The following MAPK10 variants were observed in gnomAD, a reference collection of about 807,000 sequenced individuals.
The protein encoded by MAPK10 is JNK3 alpha protein kinase.
A neutral mutation model predicts 59.3 loss-of-function variants in MAPK10; 25 were observed. The ratio of observed to expected loss-of-function variants is 0.42; its 90% CI spans 0.31 to 0.59. The LOEUF (loss-of-function observed/expected upper bound fraction) is 0.59, where lower values mean the gene tolerates loss of function less well. Ranked by LOEUF, MAPK10 falls within the 20% of genes least tolerant of loss-of-function variation. The pLI is 0.15. For synonymous variants in MAPK10, 190 were observed against 200.5 expected, an observed-to-expected ratio of 0.95 and a Z score of 0.44; for missense variants, 351 against 568.9, an observed-to-expected ratio of 0.62 and a Z score of 3.90.
chr4:86,232,330 C>T (rs969602187), intron 2 of MAPK10, among the ~76,000 whole-genome samples: 1 of 152,064 alleles, frequency 6.6e-6, no homozygotes, highest in Non-Finnish European at 1.5e-5. Context: ...ACAGTTGTTC[C>T]CCTGGGACAT....
intron 1 of MAPK10, among the ~76,000 whole-genome samples, chr4:86,538,557 TATAAATTTTAGA>T (rs1437408758): frequency 2.6e-5 from 4 of 152,240 alleles, no homozygotes; most frequent in African/African-American, 9.6e-5. Context: ...TCCTCTTCCA[TATAAATTTTAGA>T]GTAAACCTGT....
upstream of MAPK10, chr4:86,458,058 G>A (rs1751392222): frequency 6.6e-6 from 1 of 152,260 alleles, no homozygotes. Context: ...AGCACTTTGG[G>A]AGGCCAAGGC....
Position 86,103,088 on chromosome 4 carries a change from T to G in MAPK10, c.425+98A>C, listed in dbSNP as rs534792965. On this transcript the variant is annotated intron_variant, in intron 6 of 13. Coordinates refer to ENST00000641462, the MANE Select transcript of MAPK10 (RefSeq NM_138982.4). The stretch of plus-strand genomic sequence containing the variant: ...GGGATTTCAACTCTGTGTGTGTGTG[T>G]GTGTGTGTGTGTGTGTGTGTGTGTG... 210 of 730,720 alleles carry G rather than the reference T, an allele frequency of 2.9e-4. No homozygotes were observed. The South Asian group carries it at 3.1e-3, about 11-fold the overall frequency. The allele number at this position is 730,720 out of a possible 1,614,324, so 45.3% of individuals were successfully genotyped here. A position where few individuals can be genotyped will look rare whatever the true frequency, so the allele number is the denominator to read the frequency against.
intron 2 of MAPK10, among the ~76,000 whole-genome samples, chr4:86,237,623 T>C (rs932981540): frequency 2.6e-5 from 4 of 152,212 alleles, no homozygotes; most frequent in Admixed American, 6.5e-5. Context: ...TAAGCTTTTT[T>C]TCATATGTTT....
intron 2 of MAPK10, among the ~76,000 whole-genome samples, chr4:86,289,467 A>G (rs2095147675): frequency 1.3e-5 from 2 of 152,000 alleles, no homozygotes; most frequent in Non-Finnish European, 2.9e-5. Flanking sequence ...ATTAGGAGAC[A>G]GTTTCTATAT....
chr4:86,420,819 C>T (rs563371516), intron 1 of MAPK10, among the ~76,000 whole-genome samples: 10 of 151,760 alleles, frequency 6.6e-5, no homozygotes, highest in African/African-American at 1.2e-4. Flanking sequence ...CAGTGGCTCA[C>T]GCCTGTAATC....
At chr4:86,359,516 G>A (rs954695859) in intron 1 of MAPK10, 142 bp downstream of exon 1, 8 of 202,130 alleles carry the variant, frequency 4.0e-5, no homozygotes, top group Non-Finnish European at 6.2e-5. Flanking sequence ...TTCAAAGCTA[G>A]TTCACTTGAT....
chr4:86,030,959 T>C (rs939183012), intron 12 of MAPK10, among the ~76,000 whole-genome samples: 1 of 152,204 alleles, frequency 6.6e-6, no homozygotes, highest in African/African-American at 2.4e-5. Context: ...ATTGACTATC[T>C]TTTATTTTCT....
At chr4:86,043,418 A>G (rs2041953533) in intron 11 of MAPK10, among the ~76,000 whole-genome samples, 1 of 152,176 alleles carries the variant, frequency 6.6e-6, no homozygotes, top group South Asian at 2.1e-4. Flanking sequence ...CTAAGAGGCC[A>G]CTGGTGAATT....
chr4:86,433,153 G>A (rs922201762), intron 1 of MAPK10, among the ~76,000 whole-genome samples: 10 of 152,182 alleles, frequency 6.6e-5, no homozygotes, highest in African/African-American at 2.4e-4. Context: ...AGAAGCAAGT[G>A]GATTTCAGCA....
upstream of MAPK10, among the ~76,000 whole-genome samples, chr4:86,362,788 C>G (rs1328998131): frequency 6.6e-6 from 1 of 152,090 alleles, no homozygotes; most frequent in Non-Finnish European, 1.5e-5. Flanking sequence ...AAAAGACTAA[C>G]ATCATCACAT....
intron 11 of MAPK10, among the ~76,000 whole-genome samples, chr4:86,050,101 C>T (rs1294863540): frequency 6.6e-6 from 1 of 152,080 alleles, no homozygotes; most frequent in Non-Finnish European, 1.5e-5. Flanking sequence ...CTTCCTTTGC[C>T]TACCAGATTC....
At chr4:86,170,286 A>G (rs2073675589) in intron 3 of MAPK10, among the ~76,000 whole-genome samples, 1 of 152,058 alleles carries the variant, frequency 6.6e-6, no homozygotes, top group Non-Finnish European at 1.5e-5. Flanking sequence ...AACAGTCAAG[A>G]CCCATCAGTG....
chr4:86,467,129 T>A (rs1230123272), intron 1 of MAPK10, among the ~76,000 whole-genome samples: 1 of 152,218 alleles, frequency 6.6e-6, no homozygotes, highest in Admixed American at 6.5e-5. Flanking sequence ...TTGACTGAGA[T>A]GATGGCTACA....
chr4:86,162,429 A>G (rs999677593), intron 3 of MAPK10, among the ~76,000 whole-genome samples: 24 of 152,040 alleles, frequency 1.6e-4, no homozygotes, highest in African/African-American at 5.8e-4. Flanking sequence ...TCAATAACAA[A>G]GGTAATGCCA....
intron 3 of MAPK10, among the ~76,000 whole-genome samples, chr4:86,171,976 C>T (rs1366961925): frequency 1.3e-5 from 2 of 148,906 alleles, no homozygotes; most frequent in African/African-American, 5.1e-5. Flanking sequence ...TGAAAAAATG[C>T]TCATCATCAC....
At chr4:86,576,503 G>T (rs931144311) in intron 1 of MAPK10, among the ~76,000 whole-genome samples, 1 of 152,124 alleles carries the variant, frequency 6.6e-6, no homozygotes, top group Non-Finnish European at 1.5e-5. Flanking sequence ...GGCCGGGCGC[G>T]GTGGCTCACG....
At chr4:86,525,822 G>A (rs1214499329) in intron 1 of MAPK10, among the ~76,000 whole-genome samples, 1 of 152,178 alleles carries the variant, frequency 6.6e-6, no homozygotes, top group Non-Finnish European at 1.5e-5. Context: ...AGGAATAGCT[G>A]TTTCAAAGTT....
intron 4 of MAPK10, chr4:86,127,811 T>C (rs1043632128): frequency 3.9e-5 from 6 of 152,116 alleles, no homozygotes; most frequent in Non-Finnish European, 8.8e-5. Flanking sequence ...GTTTTCCAAA[T>C]ATCAAATAAT....
Sources: allele counts gnomAD v4.1 joint callset (sites outside exome capture counted in the v4.1 genomes callset), GRCh38; gene constraint gnomAD v4.1.1; transcripts MANE v1.5; gene names NCBI Gene and HGNC (gene_info 2026-07-23, HGNC 2026-07-21).